POU2F2: variants seen among roughly 807,000 people sequenced by gnomAD.
POU2F2 encodes the protein POU domain, class 2, transcription factor 2.
In POU2F2, 14 loss-of-function variants were observed where a neutral mutation model predicts 63.5. The observed-to-expected ratio is 0.22, with a 90% CI of 0.15 to 0.34. The LOEUF is 0.34. Among genes scored for constraint, POU2F2 ranks in the 10% least tolerant of loss-of-function variants. The pLI, the probability that POU2F2 is intolerant of heterozygous loss-of-function variation, is 1.00. For missense variants in POU2F2, 607 were observed against 815.2 expected, an observed-to-expected ratio of 0.74 and a Z score of 3.11; for synonymous variants, 306 against 348.6, an observed-to-expected ratio of 0.88 and a Z score of 1.36.
At chr19:42,129,979 C>T (rs904289080) in intron 1 of POU2F2, among the ~76,000 whole-genome samples, 3 of 152,216 alleles carry the variant, frequency 2.0e-5, no homozygotes, top group African/African-American at 7.2e-5. Flanking sequence ...GGAATGTGAA[C>T]AGGTTTGCAG....
rs759775477 is a variant in POU2F2, at chr19:42,096,588, A to T, written c.568-345T>A. Among the ~76,000 whole-genome samples, 2 of 152,050 alleles carry T rather than the reference A, an allele frequency of 1.3e-5. No homozygotes were observed. Among genetic ancestry groups the T allele is most frequent in the East Asian group, 1.9e-4 (1 of 5,188 alleles). ...GAGGCAGTGGTTCATCCTCATCTCA[A>T]CCTGGGAATCAGGGACTGGCCCTGC... On this transcript the variant is annotated intron_variant, in intron 7 of 14. Coordinates refer to ENST00000692977, the MANE Select transcript of POU2F2 (RefSeq NM_001394376.1). The surrounding 1 kb of genome is among the most constrained non-coding windows in gnomAD (Gnocchi z 4.1).
intron 2 of POU2F2, among the ~76,000 whole-genome samples, chr19:42,144,487 G>A (rs895971792): frequency 2.0e-5 from 3 of 152,182 alleles, no homozygotes; most frequent in East Asian, 1.9e-4. Context: ...TCTTCCACAC[G>A]ATTCAGTTCC....
chr19:42,103,080 A>C (rs541534314), intron 5 of POU2F2, among the ~76,000 whole-genome samples: 85 of 150,902 alleles, frequency 5.6e-4, no homozygotes, highest in Admixed American at 5.1e-3. Flanking sequence ...GCCTTTATAC[A>C]TGCCGTTCCC....
chr19:42,162,022 G>A lies in POU2F2; in HGVS notation c.-69-1630C>T, dbSNP rs1249482988. ...ATTAGCCGCGCTGAGTGTTGAACAC[G>A]GTGGCGACACGGCATTAACCGTCAA... On this transcript the variant is annotated intron_variant, in intron 1 of 6. Coordinates refer to the POU2F2 transcript ENST00000524801. The surrounding 1 kb of genome is among the most constrained non-coding windows in gnomAD (Gnocchi z 4.1). 2.0e-5 allele frequency among the ~76,000 whole-genome samples: 3 copies of A among 152,336 alleles called. No homozygotes were observed. The highest frequency in any genetic ancestry group is 2.9e-5 in the Non-Finnish European group (2 of 68,024).
chr19:42,097,951 AC>A (rs1400519617), intron 7 of POU2F2, among the ~76,000 whole-genome samples: 1 of 151,678 alleles, frequency 6.6e-6, no homozygotes, highest in African/African-American at 2.4e-5. Context: ...TCATCCACCC[AC>A]TCTCACCCCT....
chr19:42,108,246 T>C (rs1006032093), intron 5 of POU2F2, among the ~76,000 whole-genome samples: 2 of 152,214 alleles, frequency 1.3e-5, no homozygotes, highest in East Asian at 1.9e-4. Context: ...AGAAAGGCAC[T>C]TGGGCATGGT....
chr19:42,151,299 G>A (rs1370459306), intron 2 of POU2F2, among the ~76,000 whole-genome samples: 1 of 149,912 alleles, frequency 6.7e-6, no homozygotes, highest in Non-Finnish European at 1.5e-5. Context: ...TGTGGGGATG[G>A]CCATGGGCAG....
intron 2 of POU2F2, among the ~76,000 whole-genome samples, chr19:42,147,788 AAAAGCTT>A (rs2034261429): frequency 6.6e-6 from 1 of 152,234 alleles, no homozygotes; most frequent in East Asian, 1.9e-4. Context: ...CTGCAAATAC[AAAAGCTT>A]AAAGACCTGG....
At position 42,096,810 on chromosome 19, in the gene POU2F2, A is replaced by G. The variant is rs1568981967; in HGVS notation, c.568-567T>C. Reference sequence around the variant, plus strand: ...AACTTTGGGTAATAGTGATGTGTCAATGTAGGTTCATCACCTGTTACGCTT... The same window carrying G: ...AACTTTGGGTAATAGTGATGTGTCAGTGTAGGTTCATCACCTGTTACGCTT... On this transcript the variant is annotated intron_variant, in intron 7 of 14. Coordinates refer to ENST00000692977, the MANE Select transcript of POU2F2 (RefSeq NM_001394376.1). This position sits in a 1 kb window ranked among gnomAD's most constrained non-coding sequence, Gnocchi z 4.1. 1.3e-5 allele frequency among the ~76,000 whole-genome samples: 2 copies of G among 152,316 alleles called. No individual in the cohort carries two copies. The highest frequency in any genetic ancestry group is 1.9e-4 in the East Asian group (1 of 5,194).
At chr19:42,159,912 T>C (rs914780949) in intron 2 of POU2F2, among the ~76,000 whole-genome samples, 9 of 152,174 alleles carry the variant, frequency 5.9e-5, no homozygotes, top group African/African-American at 2.2e-4. Flanking sequence ...CCTTTTGCTC[T>C]CAGGATGGCA....
intron 5 of POU2F2, among the ~76,000 whole-genome samples, chr19:42,108,280 C>T (rs1301236113): frequency 6.6e-6 from 1 of 152,156 alleles, no homozygotes; most frequent in Non-Finnish European, 1.5e-5. Context: ...TATTTGCCAA[C>T]TAAAGGAATG....
chr19:42,175,138 T>A (rs2034848241), intron 1 of POU2F2, among the ~76,000 whole-genome samples: 1 of 152,118 alleles, frequency 6.6e-6, no homozygotes, highest in Admixed American at 6.5e-5. Context: ...GAGCCCTCAC[T>A]TAAGATCTTC....
intron 5 of POU2F2, among the ~76,000 whole-genome samples, chr19:42,101,259 C>G (rs1443832328): frequency 2.0e-5 from 3 of 151,848 alleles, no homozygotes; most frequent in Admixed American, 6.6e-5. Flanking sequence ...GTGTCTCCCC[C>G]CACTCCCTGC....
intron 1 of POU2F2, among the ~76,000 whole-genome samples, chr19:42,185,719 C>G (rs2070616994): frequency 6.6e-6 from 1 of 152,196 alleles, no homozygotes; most frequent in Non-Finnish European, 1.5e-5. Flanking sequence ...CCAATACACA[C>G]AGCTTGAGTA....
intron 5 of POU2F2, among the ~76,000 whole-genome samples, chr19:42,102,199 T>C (rs1305435742): frequency 6.6e-6 from 1 of 152,134 alleles, no homozygotes; most frequent in Admixed American, 6.5e-5. Context: ...GCAATGAGAA[T>C]GAGCAGTCCA....
chr19:42,184,639 G>A (rs1017427235), intron 1 of POU2F2, among the ~76,000 whole-genome samples: 6 of 152,008 alleles, frequency 3.9e-5, no homozygotes, highest in African/African-American at 1.2e-4. Context: ...CCTTGTCCCT[G>A]ACAGTCTCCT....
intron 1 of POU2F2, among the ~76,000 whole-genome samples, chr19:42,124,061 T>G (rs1387050331): frequency 6.6e-6 from 1 of 152,108 alleles, no homozygotes; most frequent in African/African-American, 2.4e-5. Context: ...CCCAGCACTT[T>G]GGGAGACTGA....
At position 42,169,847 on chromosome 19, in the gene POU2F2, A is replaced by G. The variant is rs1048947736; in HGVS notation, c.-70+6116T>C. On this transcript the variant is annotated intron_variant, in intron 1 of 6. Transcript: ENST00000524801. The surrounding 1 kb of genome is among the most constrained non-coding windows in gnomAD (Gnocchi z 4.3). ...TCGCTGCTGCGCCTTCCCAGTCTGG[A>G]TGAGTACCTTTTCTCTGTCTCTCTC... Among the ~76,000 whole-genome samples the G allele has an allele frequency of 6.6e-6, 1 of 151,634 alleles. No homozygotes were observed. Among genetic ancestry groups the G allele is most frequent in the African/African-American group, 2.4e-5 (1 of 41,200 alleles).
chr19:42,113,720 GC>G (rs1307312058), intron 5 of POU2F2, among the ~76,000 whole-genome samples: 1 of 152,216 alleles, frequency 6.6e-6, no homozygotes, highest in Non-Finnish European at 1.5e-5. Context: ...TCAGCTTCCT[GC>G]CATGGCCTGA....
Sources: allele counts gnomAD v4.1 joint callset (sites outside exome capture counted in the v4.1 genomes callset), GRCh38; gene constraint gnomAD v4.1.1; non-coding constraint Gnocchi (gnomAD v3.1); transcripts MANE v1.5; gene names NCBI Gene and HGNC (gene_info 2026-07-23, HGNC 2026-07-21).